Variants in GINS4 observed in about 807,000 individuals in gnomAD.
GINS4 encodes GINS complex subunit 4, also known as DNA replication complex GINS protein SLD5.
Under a neutral mutation model 31.1 loss-of-function variants are expected in GINS4, and 20 were observed. That is an observed-to-expected ratio of 0.64 (90% confidence interval 0.45 to 0.93). The LOEUF is 0.93. Ranked by LOEUF, GINS4 falls within the 40% of genes least tolerant of loss-of-function variation. The probability of loss-of-function intolerance (pLI) is 0.00; values close to 1 mark genes in which losing one functional copy is unlikely to be tolerated. For synonymous variants in GINS4, 85 were observed against 97.9 expected (o/e 0.87, Z 0.78); for missense variants, 245 against 273.9 (o/e 0.89, Z 0.75).
rs1028141743 is a variant in GINS4, at chr8:41,530,426, C to T, written c.96+128C>T. Reference sequence around the variant, plus strand: ...ACTTTAGAACAGGGACTGGATCTTACCATCTACATGGAAACGGGAAGCAAG... The same window carrying T: ...ACTTTAGAACAGGGACTGGATCTTATCATCTACATGGAAACGGGAAGCAAG... On this transcript the variant is annotated intron_variant, in intron 2 of 7. Transcript: ENST00000276533. 1.1e-5 allele frequency: 7 copies of T among 640,124 alleles called. 1 individual carries two copies. Among genetic ancestry groups the T allele is most frequent in the South Asian group, 9.8e-5 (5 of 50,832 alleles). The allele number at this position is 640,124 out of a possible 1,614,324, so 39.7% of individuals were successfully genotyped here.
Position 41,540,007 on chromosome 8 carries a change from A to C in GINS4, c.484+3A>C, listed in dbSNP as rs1390897843. 6.2e-7 allele frequency: 1 copy of C among 1,611,446 alleles called. No homozygotes were observed. ...GAAGGTGGACCTCTTTCGGGCAGGTAAACAGGACGTTCTCCCTGCAGGTGG... is the reference window on the plus strand; with the variant it reads ...GAAGGTGGACCTCTTTCGGGCAGGTCAACAGGACGTTCTCCCTGCAGGTGG... On this transcript the variant is annotated splice_donor_region_variant and intron_variant, in intron 6 of 7. Transcript: ENST00000276533.
chr8:41,541,832 T>A lies in GINS4; in HGVS notation c.508T>A (p.Tyr170Asn). 1 of 1,614,118 alleles carries A rather than the reference T, an allele frequency of 6.2e-7. No homozygotes were observed. Among genetic ancestry groups the A allele is most frequent in the Non-Finnish European group, 8.5e-7 (1 of 1,179,944 alleles). ...AGTTCCCAAACCAGATCTAGATTCT[T>A]ACGTGTTTCTGAGAGTGAGAGAACG... is the stretch of plus-strand genomic sequence containing the variant. ...RAVPKPDLDSYVFLRVRERQE... is the reference protein window; with the variant it reads ...RAVPKPDLDSNVFLRVRERQE... The change falls in exon 7 of 8, where the codon TAC (tyrosine) becomes AAC (asparagine). Residue 170 changes from tyrosine to asparagine, a missense_variant. Physicochemically the swap from Tyr to Asn is moderately radical, Grantham distance 143 (BLOSUM62 -2). Coordinates refer to ENST00000276533, the MANE Select transcript of GINS4 (RefSeq NM_032336.3).
In GINS4 at chr8:41,543,736, C is replaced by T. The variant is rs894485853; in HGVS notation, c.*1649C>T. ...TTTTCTTTTTTGAGACGGAGTTTCC[C>T]TCTTGTTACCCAGGCTGGAGTGGCA... On this transcript the variant is annotated 3_prime_UTR_variant, in exon 8 of 8. Transcript: ENST00000276533. The T allele has an allele frequency of 2.6e-5, 4 of 151,712 alleles. No homozygotes were observed. The highest frequency in any genetic ancestry group is 5.9e-5 in the Non-Finnish European group (4 of 67,980). 9.4% of individuals were successfully genotyped at this position (151,712 alleles called of 1,614,324 possible).
intron 2 of GINS4, chr8:41,534,361 C>A: frequency 4.0e-6 from 1 of 247,102 alleles, no homozygotes; most frequent in Non-Finnish European, 8.6e-6. Context: ...GAGCCATTAT[C>A]ATGCCACTGT....
intron 4 of GINS4, among the ~76,000 whole-genome samples, chr8:41,539,002 A>G (rs758695607): frequency 6.6e-6 from 1 of 150,376 alleles, no homozygotes; most frequent in African/African-American, 2.4e-5. Flanking sequence ...CCTGGCCCAC[A>G]TAAGGTTTTT....
At chr8:41,537,432 T>C in intron 4 of GINS4, 139 bp downstream of exon 4, 1 of 614,572 alleles carries the variant, frequency 1.6e-6, no homozygotes, top group Non-Finnish European at 2.9e-6. Flanking sequence ...TCCATGTAGC[T>C]AAACTGTAAG....
chr8:41,540,087 A>C (rs1225147755), intron 6 of GINS4, 83 bp downstream of exon 6: 2 of 991,580 alleles, frequency 2.0e-6, no homozygotes, highest in Non-Finnish European at 3.2e-6. Context: ...GTTTTTACCC[A>C]AATACAAAAA....
chr8:41,536,509 C>G, intron 3 of GINS4, 63 bp downstream of exon 3: 4 of 960,048 alleles, frequency 4.2e-6, no homozygotes, highest in Non-Finnish European at 6.6e-6. Context: ...GGTCAGCACA[C>G]TGAGAGCTTG....
rs190733225 is a variant in GINS4, at chr8:41,533,594, G to A, written c.97-2766G>A. Among the ~76,000 whole-genome samples the A allele has an allele frequency of 2.5e-3, 376 of 152,274 alleles. 1 individual carries two copies. The highest frequency in any genetic ancestry group is 2.6e-3 in the Non-Finnish European group (180 of 68,016). On this transcript the variant is annotated intron_variant, in intron 2 of 7. Coordinates refer to ENST00000276533, the MANE Select transcript of GINS4 (RefSeq NM_032336.3). Reference sequence around the variant, plus strand: ...CTTATGCTGTGTGGCACAGCCAAAGGGACAGCCTGACAGGGCTGCTGATGA... The same window carrying A: ...CTTATGCTGTGTGGCACAGCCAAAGAGACAGCCTGACAGGGCTGCTGATGA...
intron 2 of GINS4, 93 bp from the exon 3 acceptor site, chr8:41,536,267 C>A: frequency 2.5e-6 from 2 of 788,192 alleles, no homozygotes; most frequent in Middle Eastern, 2.7e-4. Flanking sequence ...CTTGCCTGCG[C>A]CATCCCTGGT....
intron 2 of GINS4, among the ~76,000 whole-genome samples, chr8:41,535,739 G>A (rs573627598): frequency 6.6e-6 from 1 of 152,278 alleles, no homozygotes; most frequent in South Asian, 2.1e-4. Context: ...GAACCAAACA[G>A]CTGGGCCTGA....
chr8:41,534,847 A>G (rs1806714894), intron 2 of GINS4, among the ~76,000 whole-genome samples: 1 of 151,630 alleles, frequency 6.6e-6, no homozygotes, highest in Admixed American at 6.6e-5. Context: ...GTTCTGCCTC[A>G]GCCTCCCAAG....
chr8:41,534,876 TGCCACGCCCGGCTA>T (rs1806715601), intron 2 of GINS4, among the ~76,000 whole-genome samples: 1 of 151,940 alleles, frequency 6.6e-6, no homozygotes, highest in Admixed American at 6.6e-5. Context: ...ACTACAGGCG[TGCCACGCCCGGCTA>T]ATTTTTTGTA....
intron 2 of GINS4, 80 bp downstream of exon 2, chr8:41,530,378 T>A: frequency 3.0e-6 from 3 of 1,008,100 alleles, no homozygotes; most frequent in Non-Finnish European, 4.5e-6. Context: ...GATCACAAGA[T>A]GAGGAAACGG....
chr8:41,531,229 A>G, intron 2 of GINS4, among the ~76,000 whole-genome samples: 1 of 152,194 alleles, frequency 6.6e-6, no homozygotes, highest in Non-Finnish European at 1.5e-5. Flanking sequence ...CCAAGATCCT[A>G]CCCACCATTG....
intron 2 of GINS4, among the ~76,000 whole-genome samples, chr8:41,533,718 G>A (rs774113509): frequency 6.6e-6 from 1 of 152,230 alleles, no homozygotes; most frequent in Non-Finnish European, 1.5e-5. Context: ...TTTAGTGATT[G>A]TTTTAGTTTG....
intron 4 of GINS4, 22 bp downstream of exon 4, chr8:41,537,315 A>T: frequency 6.6e-7 from 1 of 1,512,734 alleles, no homozygotes; most frequent in African/African-American, 1.4e-5. Flanking sequence ...AGATACCTGG[A>T]GGGATTGAGA....
intron 3 of GINS4, chr8:41,536,943 A>G (rs566496185): frequency 6.7e-5 from 33 of 491,110 alleles, no homozygotes; most frequent in African/African-American, 5.4e-4. Flanking sequence ...GTGCTGTACT[A>G]TCTCCCTTAC....
At chr8:41,540,800 G>A (rs1298786426) in intron 6 of GINS4, among the ~76,000 whole-genome samples, 1 of 152,190 alleles carries the variant, frequency 6.6e-6, no homozygotes, top group Non-Finnish European at 1.5e-5. Flanking sequence ...CTGGGGCTGG[G>A]GACCACACAG....
Sources: gnomAD v4.1 joint callset for allele counts (sites outside exome capture counted in the v4.1 genomes callset) on GRCh38, gnomAD v4.1.1 for gene constraint, MANE v1.5 for transcripts, NCBI Gene and HGNC (gene_info 2026-07-23, HGNC 2026-07-21) for gene names.